Variants in CAMTA1 observed in about 807,000 individuals in gnomAD.
The protein encoded by CAMTA1 is calmodulin binding transcription activator 1, also known as calmodulin-binding transcription activator 1.
Under a neutral mutation model 170.9 loss-of-function variants are expected in CAMTA1, and 27 were observed. The observed-to-expected ratio is 0.16, with a 90% CI of 0.12 to 0.22. The LOEUF (loss-of-function observed/expected upper bound fraction) is 0.22. Among genes scored for constraint, CAMTA1 ranks in the 10% least tolerant of loss-of-function variants. The pLI, the probability that CAMTA1 is intolerant of heterozygous loss-of-function variation, is 1.00. For synonymous variants in CAMTA1, 833 were observed against 891.5 expected (o/e 0.93, Z 1.17); for missense variants, 1,619 against 2,217.2 (o/e 0.73, Z 5.42).
intron 1 of CAMTA1, among the ~76,000 whole-genome samples, chr1:6,815,361 C>A (rs1448514279): frequency 6.6e-6 from 1 of 152,104 alleles, no homozygotes; most frequent in African/African-American, 2.4e-5. Flanking sequence ...CACAGTACCA[C>A]ACCTGGCTAA....
intron 3 of CAMTA1, among the ~76,000 whole-genome samples, chr1:6,938,395 C>T (rs1571881914): frequency 6.6e-6 from 1 of 152,034 alleles, no homozygotes; most frequent in East Asian, 1.9e-4. Context: ...GCCCTGGGGA[C>T]TTGGTTGCGT....
In CAMTA1 at chr1:7,750,461, C is replaced by T. The variant is rs184674340; in HGVS notation, c.4690-738C>T. Among the ~76,000 whole-genome samples, 6 of 152,328 alleles carry T rather than the reference C, an allele frequency of 3.9e-5. No homozygotes were observed. In the East Asian group the frequency reaches 9.6e-4, roughly 24 times the overall value. On this transcript the variant is annotated intron_variant, in intron 19 of 22. Transcript: ENST00000303635. ...GAAATTTGGACGTAGCATTTTAAGA[C>T]CATGGAGAGCTCTGTATTTTTAGTG...
intron 11 of CAMTA1, among the ~76,000 whole-genome samples, chr1:7,725,720 G>C (rs1185561786): frequency 6.6e-6 from 1 of 152,196 alleles, no homozygotes; most frequent in Admixed American, 6.5e-5. Context: ...CTGGGACCTT[G>C]TTAGCAATGC....
intron 3 of CAMTA1, among the ~76,000 whole-genome samples, chr1:6,964,059 AT>A (rs976611952): frequency 6.6e-6 from 1 of 150,836 alleles, no homozygotes; most frequent in Non-Finnish European, 1.5e-5. Flanking sequence ...AGGATACAGA[AT>A]CCTGGGTGTC....
chr1:7,613,124 G>A (rs2095534598), intron 6 of CAMTA1, among the ~76,000 whole-genome samples: 1 of 152,190 alleles, frequency 6.6e-6, no homozygotes, highest in Non-Finnish European at 1.5e-5. Context: ...GGATTGCAGG[G>A]ACCAGGAGAG....
At chr1:6,856,622 A>G (rs1662510173) in intron 3 of CAMTA1, among the ~76,000 whole-genome samples, 1 of 152,164 alleles carries the variant, frequency 6.6e-6, no homozygotes, top group Admixed American at 6.5e-5. Flanking sequence ...TTGCTTTCAA[A>G]GGGAGACAGC....
At chr1:7,087,086 G>GT (rs1466301762) in intron 3 of CAMTA1, among the ~76,000 whole-genome samples, 1 of 152,236 alleles carries the variant, frequency 6.6e-6, no homozygotes, top group African/African-American at 2.4e-5. Context: ...CTATACCTCG[G>GT]TTTTTTTCCT....
intron 5 of CAMTA1, among the ~76,000 whole-genome samples, chr1:7,290,039 C>T (rs1424997507): frequency 6.6e-6 from 1 of 152,210 alleles, no homozygotes; most frequent in Admixed American, 6.5e-5. Context: ...ATTGCTCTTG[C>T]TTTAACCCAC....
chr1:6,966,376 A>G (rs1460606513), intron 3 of CAMTA1, among the ~76,000 whole-genome samples: 1 of 151,856 alleles, frequency 6.6e-6, no homozygotes, highest in African/African-American at 2.4e-5. Context: ...ACGACCATAC[A>G]TCTACTTCTG....
At chr1:7,469,701 G>A (rs557720294) in intron 6 of CAMTA1, among the ~76,000 whole-genome samples, 5 of 152,148 alleles carry the variant, frequency 3.3e-5, no homozygotes, top group South Asian at 2.1e-4. Context: ...CTGCACCCAC[G>A]CCTCCGCCTG....
At chr1:6,791,323 C>T (rs1641044614) in intron 1 of CAMTA1, among the ~76,000 whole-genome samples, 1 of 152,152 alleles carries the variant, frequency 6.6e-6, no homozygotes, top group Admixed American at 6.5e-5. Flanking sequence ...TCCTGTAGCA[C>T]AAGGCATTGC....
intron 4 of CAMTA1, among the ~76,000 whole-genome samples, chr1:7,128,585 G>A (rs1303306948): frequency 6.6e-6 from 1 of 152,118 alleles, no homozygotes; most frequent in Non-Finnish European, 1.5e-5. Context: ...AGGCCTTTTA[G>A]CCATGGTAAG....
chr1:7,215,645 TG>T (rs1379004971), intron 4 of CAMTA1, among the ~76,000 whole-genome samples: 1 of 152,240 alleles, frequency 6.6e-6, no homozygotes, highest in African/African-American at 2.4e-5. Context: ...CCTCCCACCT[TG>T]GCCCCCCAAA....
At chr1:6,955,701 G>T (rs776111404) in intron 3 of CAMTA1, among the ~76,000 whole-genome samples, 4 of 152,158 alleles carry the variant, frequency 2.6e-5, no homozygotes, top group Non-Finnish European at 5.9e-5. Context: ...CTGGTAAGAT[G>T]TTCACGGGGC....
At chr1:6,915,057 G>T (rs1680495449) in intron 3 of CAMTA1, among the ~76,000 whole-genome samples, 1 of 152,178 alleles carries the variant, frequency 6.6e-6, no homozygotes, top group Admixed American at 6.5e-5. Flanking sequence ...TGCCCTGGCT[G>T]CCTCTTACGG....
intron 9 of CAMTA1, among the ~76,000 whole-genome samples, chr1:7,670,458 C>T (rs1259265875): frequency 6.6e-6 from 1 of 152,214 alleles, no homozygotes; most frequent in Non-Finnish European, 1.5e-5. Flanking sequence ...TGGGCTGACA[C>T]GGAGATGCTC....
intron 4 of CAMTA1, among the ~76,000 whole-genome samples, chr1:7,170,622 T>A (rs1031603977): frequency 6.6e-6 from 1 of 152,198 alleles, no homozygotes. Context: ...GCTTCATCCA[T>A]GTCCCTGGAA....
At position 7,491,013 on chromosome 1, in the gene CAMTA1, A is replaced by G. The variant is rs146963741; in HGVS notation, c.510+23112A>G. Among the ~76,000 whole-genome samples the G allele has an allele frequency of 3.7e-3, 561 of 152,182 alleles. 2 individuals are homozygous for G. Among genetic ancestry groups the G allele is most frequent in the African/African-American group, 0.013 (534 of 41,500 alleles). On this transcript the variant is annotated intron_variant, in intron 6 of 22. Coordinates refer to ENST00000303635, the MANE Select transcript of CAMTA1 (RefSeq NM_015215.4). ...ACTCAGCTTTTGTTCTGTGAATGTC[A>G]TTTTCTTTGAATTTGTGTGAGTTTT...
At chr1:7,141,694 G>A (rs745820366) in intron 4 of CAMTA1, among the ~76,000 whole-genome samples, 2 of 152,174 alleles carry the variant, frequency 1.3e-5, no homozygotes, top group Non-Finnish European at 2.9e-5. Flanking sequence ...CAAGTGCTGG[G>A]TAAATATTAG....
Sources: gnomAD v4.1 joint callset for allele counts (sites outside exome capture counted in the v4.1 genomes callset) on GRCh38, gnomAD v4.1.1 for gene constraint, MANE v1.5 for transcripts, NCBI Gene and HGNC (gene_info 2026-07-23, HGNC 2026-07-21) for gene names.